MPHOSPH9: variants seen among roughly 807,000 people sequenced by gnomAD.
MPHOSPH9 encodes M-phase phosphoprotein 9.
Under a neutral mutation model 145.5 loss-of-function variants are expected in MPHOSPH9, and 88 were observed. The ratio of observed to expected loss-of-function variants is 0.60; its 90% CI spans 0.51 to 0.72. MPHOSPH9 has a LOEUF of 0.72. Ranked by LOEUF, MPHOSPH9 falls within the 30% of genes least tolerant of loss-of-function variation. The pLI is 0.00. For synonymous variants in MPHOSPH9, 435 were observed against 486.2 expected (o/e 0.89, Z 1.39); for missense variants, 1,238 against 1,386.6 (o/e 0.89, Z 1.70).
chr12:123,181,082 G>GAGAA, intron 14 of MPHOSPH9, 81 bp downstream of exon 14: 1 of 1,297,026 alleles, frequency 7.7e-7, no homozygotes, highest in South Asian at 1.2e-5. Context: ...GTGCAAGGAG[G>GAGAA]AGAAGAGTCA....
chr12:123,187,631 A>G (rs1166916087), intron 13 of MPHOSPH9, among the ~76,000 whole-genome samples: 1 of 152,246 alleles, frequency 6.6e-6, no homozygotes, highest in African/African-American at 2.4e-5. Flanking sequence ...AATAATTTAC[A>G]TGATGTGGTT....
chr12:123,178,627 G>A (rs564310312), intron 15 of MPHOSPH9, among the ~76,000 whole-genome samples: 8 of 152,110 alleles, frequency 5.3e-5, no homozygotes, highest in African/African-American at 1.9e-4. Flanking sequence ...GAGTTCAAGC[G>A]ATTCTCCTGC....
At chr12:123,226,362 A>G (rs2047435460) in intron 3 of MPHOSPH9, 2 of 1,165,542 alleles carry the variant, frequency 1.7e-6, no homozygotes, top group African/African-American at 1.6e-5. Context: ...CTGAAAAATA[A>G]CACAAATTAT....
intron 7 of MPHOSPH9, 56 bp downstream of exon 7, chr12:123,214,688 C>A: frequency 7.3e-7 from 1 of 1,362,082 alleles, no homozygotes. Context: ...ATCTAAGTAC[C>A]TTCCTCTGAG....
chr12:123,170,944 C>T (rs549114662), intron 16 of MPHOSPH9, among the ~76,000 whole-genome samples: 1 of 152,200 alleles, frequency 6.6e-6, no homozygotes, highest in East Asian at 1.9e-4. Context: ...ATAACCTGTC[C>T]GATGGTGTGA....
At chr12:123,186,493 C>CA (rs2045450790) in intron 13 of MPHOSPH9, among the ~76,000 whole-genome samples, 1 of 151,908 alleles carries the variant, frequency 6.6e-6, no homozygotes, top group Non-Finnish European at 1.5e-5. Flanking sequence ...CTTTGAAAGC[C>CA]ATGGGAGGGG....
rs1161727056 is a variant in MPHOSPH9, at chr12:123,172,871, C to CTTTTTTTT, written c.2456+3809_2456+3816dup. 6.6e-4 allele frequency among the ~76,000 whole-genome samples: 38 copies of CTTTTTTTT among 57,964 alleles called. 10 individuals carry two copies. Among genetic ancestry groups the CTTTTTTTT allele is most frequent in the East Asian group, 1.8e-3 (2 of 1,130 alleles). The allele number at this position is 57,964 out of a possible 152,430, so 38.0% of individuals were successfully genotyped here. ...TGTTAGACTTTCAGGTTTTCATTCACTTTTTTTTTTTTTTTTTTTTTTTTT... is the reference window on the plus strand; with the variant it reads ...TGTTAGACTTTCAGGTTTTCATTCACTTTTTTTTTTTTTTTTTTTTTTTTTTTTTTTTT... On this transcript the variant is annotated intron_variant, in intron 16 of 23. Coordinates refer to ENST00000606320, the MANE Select transcript of MPHOSPH9 (RefSeq NM_022782.4).
At chr12:123,199,880 A>C (rs1285952434) in intron 11 of MPHOSPH9, among the ~76,000 whole-genome samples, 2 of 152,300 alleles carry the variant, frequency 1.3e-5, no homozygotes, top group East Asian at 3.9e-4. Flanking sequence ...CCTCACTGAA[A>C]GTCACACAGA....
intron 13 of MPHOSPH9, among the ~76,000 whole-genome samples, chr12:123,192,323 G>T (rs972993910): frequency 1.3e-5 from 2 of 151,246 alleles, no homozygotes; most frequent in Non-Finnish European, 2.9e-5. Flanking sequence ...GTGTGGTGGC[G>T]TGCACCTGTA....
At chr12:123,234,397 G>T (rs536886003), upstream of MPHOSPH9, among the ~76,000 whole-genome samples, 2 of 151,304 alleles carry the variant, frequency 1.3e-5, no homozygotes, top group Admixed American at 6.6e-5. Context: ...TTATTTTTGT[G>T]GGGGAGGGGG....
At chr12:123,183,950 C>T (rs747543584) in intron 13 of MPHOSPH9, among the ~76,000 whole-genome samples, 9 of 152,106 alleles carry the variant, frequency 5.9e-5, no homozygotes, top group Non-Finnish European at 1.2e-4. Flanking sequence ...CAGGTCACAC[C>T]TATAATCATA....
At position 123,202,768 on chromosome 12, in the gene MPHOSPH9, T is replaced by C; in HGVS notation, c.1637A>G (p.Asp546Gly). The C allele has an allele frequency of 6.2e-7, 1 of 1,614,060 alleles. No homozygotes were observed. The highest frequency in any genetic ancestry group is 8.5e-7 in the Non-Finnish European group (1 of 1,179,924). Residue 546 changes from aspartate to glycine, a missense_variant, in exon 10 of 24, where the codon GAT becomes GGT. Asp to Gly is a moderately conservative substitution (Grantham distance 94, BLOSUM62 -1). This residue lies in a region of MPHOSPH9 where 837 missense variants were observed against 897.5 expected (regional missense o/e 0.93). Coordinates refer to ENST00000606320, the MANE Select transcript of MPHOSPH9 (RefSeq NM_022782.4). ...TTCATCTACAGTGTTGACCGAGATA[T>C]CATTACTAGTAATGGTATATACTGA... is the stretch of plus-strand genomic sequence containing the variant. ...FPSVYTITSNDISVNTVDEEN... is the reference protein window; with the variant it reads ...FPSVYTITSNGISVNTVDEEN...
intron 3 of MPHOSPH9, among the ~76,000 whole-genome samples, chr12:123,224,656 G>A (rs1161176952): frequency 6.6e-6 from 1 of 152,186 alleles, no homozygotes; most frequent in Non-Finnish European, 1.5e-5. Context: ...GACATCACTG[G>A]CATTTAGTGG....
At chr12:123,194,635 T>TTA (rs2045863741) in intron 12 of MPHOSPH9, 34 bp from the exon 13 acceptor site, 1 of 1,493,992 alleles carries the variant, frequency 6.7e-7, no homozygotes, top group African/African-American at 1.4e-5. Context: ...TTTTTTTTTT[T>TTA]TTTTGAGATG....
At chr12:123,218,337 C>T (rs1446677556) in intron 6 of MPHOSPH9, 39 bp downstream of exon 6, 31 of 1,610,940 alleles carry the variant, frequency 1.9e-5, no homozygotes, top group African/African-American at 5.4e-5. Context: ...ACATAATCAT[C>T]AGTACTGGAG....
chr12:123,176,520 T>C (rs1000147791), intron 16 of MPHOSPH9, among the ~76,000 whole-genome samples, 168 bp downstream of exon 16: 4 of 152,210 alleles, frequency 2.6e-5, no homozygotes, highest in Non-Finnish European at 4.4e-5. Flanking sequence ...TTTTAGCAAA[T>C]GCCTCTGCAT....
chr12:123,205,287 T>C (rs889242120), intron 8 of MPHOSPH9, among the ~76,000 whole-genome samples: 1 of 152,244 alleles, frequency 6.6e-6, no homozygotes, highest in African/African-American at 2.4e-5. Flanking sequence ...GGCTCACGCC[T>C]GTAATCCCAA....
chr12:123,213,262 A>G (rs1302854127), intron 7 of MPHOSPH9, among the ~76,000 whole-genome samples: 1 of 152,126 alleles, frequency 6.6e-6, no homozygotes, highest in Non-Finnish European at 1.5e-5. Flanking sequence ...ACTGTGGGCT[A>G]ATGTAAGTGT....
chr12:123,194,836 G>A (rs1044395955), intron 12 of MPHOSPH9, among the ~76,000 whole-genome samples: 11 of 151,730 alleles, frequency 7.2e-5, no homozygotes, highest in African/African-American at 2.7e-4. Flanking sequence ...TGGCCAGGCT[G>A]GTCTCAAACT....
Sources: gnomAD v4.1 joint callset for allele counts (sites outside exome capture counted in the v4.1 genomes callset) on GRCh38, gnomAD v4.1.1 for gene constraint, gnomAD v4.1.1 regional missense constraint, MANE v1.5 for transcripts, NCBI Gene and HGNC (gene_info 2026-07-23, HGNC 2026-07-21) for gene names.